The following ASAH2 variants were observed in gnomAD, a reference collection of about 807,000 sequenced individuals.
ASAH2 encodes N-acylsphingosine amidohydrolase 2, also known as neutral ceramidase.
Under a neutral mutation model 82.9 loss-of-function variants are expected in ASAH2, and 58 were observed. The observed-to-expected ratio is 0.70, with a 90% CI of 0.57 to 0.87. The LOEUF (loss-of-function observed/expected upper bound fraction) is 0.87. Among genes scored for constraint, ASAH2 ranks in the 40% least tolerant of loss-of-function variants. The pLI, the probability that ASAH2 is intolerant of heterozygous loss-of-function variation, is 0.00. For missense variants in ASAH2, 779 were observed against 834.0 expected, an observed-to-expected ratio of 0.93 and a Z score of 0.81; for synonymous variants, 276 against 289.7, an observed-to-expected ratio of 0.95 and a Z score of 0.48.
intron 6 of ASAH2, 37 bp downstream of exon 6, chr10:50,234,388 G>A: frequency 6.2e-7 from 1 of 1,612,308 alleles, no homozygotes; most frequent in Non-Finnish European, 8.5e-7. Context: ...TTCCCTAAAG[G>A]GAATGAAACG....
At chr10:50,198,179 T>C (rs1186089568) in intron 17 of ASAH2, 2 of 151,962 alleles carry the variant, frequency 1.3e-5, no homozygotes, top group African/African-American at 2.4e-5. Flanking sequence ...AGCTCTTTCA[T>C]TAAAAGGGCT....
chr10:50,215,073 A>T (rs1025827152), intron 8 of ASAH2, among the ~76,000 whole-genome samples: 1 of 152,218 alleles, frequency 6.6e-6, no homozygotes, highest in Non-Finnish European at 1.5e-5. Flanking sequence ...TAGTTTAATT[A>T]GATCCCATTT....
At chr10:50,212,838 C>T (rs1845494549) in intron 10 of ASAH2, 134 bp downstream of exon 10, 1 of 890,824 alleles carries the variant, frequency 1.1e-6, no homozygotes, top group Non-Finnish European at 1.9e-6. Context: ...CCCAAGCTGA[C>T]CTCTTCTAGA....
intron 12 of ASAH2, among the ~76,000 whole-genome samples, chr10:50,208,080 CAGAG>C (rs1447006709): frequency 6.6e-6 from 1 of 151,802 alleles, no homozygotes; most frequent in Non-Finnish European, 1.5e-5. Flanking sequence ...TGAGCAGATA[CAGAG>C]AGAAATATTT....
At chr10:50,246,090 A>G (rs150858644) in intron 2 of ASAH2, among the ~76,000 whole-genome samples, 578 of 152,282 alleles carry the variant, frequency 3.8e-3, no homozygotes, top group Admixed American at 0.01. Context: ...TTATACACAT[A>G]TATTCTATAT....
intron 4 of ASAH2, among the ~76,000 whole-genome samples, chr10:50,242,444 C>A (rs7076242): frequency 0.24 from 35,826 of 152,112 alleles, 6,771 homozygotes; most frequent in African/African-American, 0.51. Context: ...TTGTTCTGGT[C>A]AATGCTCCAG....
At chr10:50,220,381 C>A (rs1449310890) in intron 7 of ASAH2, among the ~76,000 whole-genome samples, 1 of 152,098 alleles carries the variant, frequency 6.6e-6, no homozygotes, top group African/African-American at 2.4e-5. Flanking sequence ...ACCTAAATGC[C>A]CGTCAGTGAT....
At chr10:50,226,481 A>G (rs1490212004) in intron 7 of ASAH2, among the ~76,000 whole-genome samples, 1 of 152,080 alleles carries the variant, frequency 6.6e-6, no homozygotes, top group Non-Finnish European at 1.5e-5. Context: ...TATATAAAAG[A>G]AAAGAAGATT....
intron 10 of ASAH2, among the ~76,000 whole-genome samples, chr10:50,212,464 C>T (rs796402125): frequency 0.022 from 3,353 of 152,140 alleles, 66 homozygotes; most frequent in Middle Eastern, 0.12. Flanking sequence ...AAAAGAATAG[C>T]TGGATGATCT....
chr10:50,243,487 G>A lies in ASAH2; in HGVS notation c.361-136C>T, dbSNP rs909302697. 29 of 882,264 alleles carry A rather than the reference G, an allele frequency of 3.3e-5. No homozygotes were observed. In the African/African-American group the frequency reaches 4.0e-4, roughly 12 times the overall value. The allele number at this position is 882,264 out of a possible 1,614,324, so 54.7% of individuals were successfully genotyped here. A position where few individuals can be genotyped will look rare whatever the true frequency, so the allele number is the denominator to read the frequency against. ...ATGACATGGTGGCTCTGAGTGAGAGGATATATGTTTCAAAAATTAAAAAGA... is the reference window on the plus strand; with the variant it reads ...ATGACATGGTGGCTCTGAGTGAGAGAATATATGTTTCAAAAATTAAAAAGA... On this transcript the variant is annotated intron_variant, in intron 3 of 20. Coordinates refer to ENST00000682911, the MANE Select transcript of ASAH2 (RefSeq NM_019893.4).
At chr10:50,219,497 A>T (rs1340655386) in intron 7 of ASAH2, among the ~76,000 whole-genome samples, 1 of 152,226 alleles carries the variant, frequency 6.6e-6, no homozygotes, top group Non-Finnish European at 1.5e-5. Flanking sequence ...GGATATTTAC[A>T]GAGTGGAAGG....
chr10:50,247,446 T>C (rs1011729915), intron 2 of ASAH2, among the ~76,000 whole-genome samples: 1 of 152,024 alleles, frequency 6.6e-6, no homozygotes, highest in Admixed American at 6.5e-5. Flanking sequence ...ATTATAGGTG[T>C]GAGCCACCGG....
At chr10:50,243,471 T>C in intron 3 of ASAH2, 120 bp from the exon 4 acceptor site, 1 of 1,061,042 alleles carries the variant, frequency 9.4e-7, no homozygotes, top group Non-Finnish European at 1.3e-6. Context: ...CATGACATGG[T>C]GGCTCTGAGT....
At position 50,233,129 on chromosome 10, in the gene ASAH2, C is replaced by G. The variant is rs889895573; in HGVS notation, c.893+55G>C. The G allele has an allele frequency of 8.6e-5, 111 of 1,296,742 alleles. No homozygotes were observed. The African/African-American group carries it at 1.3e-3, about 15-fold the overall frequency. The allele number at this position is 1,296,742 out of a possible 1,614,324, so 80.3% of individuals were successfully genotyped here. A position where few individuals can be genotyped will look rare whatever the true frequency, so the allele number is the denominator to read the frequency against. On this transcript the variant is annotated intron_variant, in intron 7 of 20. Transcript: ENST00000682911. The stretch of plus-strand genomic sequence containing the variant: ...ACTATTCTAGTCTCTTTTCCCTTCT[C>G]TTTAATTAAGAAAAGCTACCCGACA...
Position 50,248,937 on chromosome 10 carries a change from A to T in ASAH2, c.-36-291T>A, listed in dbSNP as rs190810900. On this transcript the variant is annotated intron_variant, in intron 1 of 20. Coordinates refer to ENST00000682911, the MANE Select transcript of ASAH2 (RefSeq NM_019893.4). ...CTCAACTGAGCTAAAATCTATTTGC[A>T]TTCCTCAGCCATATCACACTGCTTT... Among the ~76,000 whole-genome samples, 6 of 152,318 alleles carry T rather than the reference A, an allele frequency of 3.9e-5. No individual in the cohort carries two copies. The East Asian group carries it at 9.7e-4, about 25-fold the overall frequency.
intron 17 of ASAH2, 96 bp downstream of exon 17, chr10:50,198,955 T>G: frequency 3.6e-6 from 5 of 1,370,058 alleles, no homozygotes; most frequent in Non-Finnish European, 4.2e-6. Flanking sequence ...CACTTCCCTC[T>G]GCATTTTCTT....
chr10:50,246,503 A>C (rs1000547526), intron 2 of ASAH2, among the ~76,000 whole-genome samples: 1 of 152,238 alleles, frequency 6.6e-6, no homozygotes, highest in Non-Finnish European at 1.5e-5. Flanking sequence ...ATTTGTAGTC[A>C]GAAAGTACTT....
chr10:50,206,751 C>T (rs1281430731), intron 12 of ASAH2, among the ~76,000 whole-genome samples: 1 of 151,830 alleles, frequency 6.6e-6, no homozygotes, highest in Non-Finnish European at 1.5e-5. Flanking sequence ...ATACACATTT[C>T]AGTAACAATA....
intron 7 of ASAH2, among the ~76,000 whole-genome samples, chr10:50,228,063 C>A (rs1845936138): frequency 6.6e-6 from 1 of 152,134 alleles, no homozygotes; most frequent in Admixed American, 6.5e-5. Context: ...GTGGCTCAGG[C>A]CTGTGATCCC....
Sources: allele counts gnomAD v4.1 joint callset (sites outside exome capture counted in the v4.1 genomes callset), GRCh38; gene constraint gnomAD v4.1.1; transcripts MANE v1.5; gene names NCBI Gene and HGNC (gene_info 2026-07-23, HGNC 2026-07-21).